ARK2C: variants seen among roughly 807,000 people sequenced by gnomAD.
ARK2C encodes the protein E3 ubiquitin-protein ligase ARK2C.
At chr18:46,341,621 A>G in the ARK2C span, among the ~76,000 whole-genome samples, 1 of 152,180 alleles carries the variant, frequency 6.6e-6, no homozygotes, top group African/African-American at 2.4e-5. Flanking sequence ...CTTTACATAC[A>G]GATTCCTGGT....
At chr18:46,396,687 C>A in the ARK2C span, among the ~76,000 whole-genome samples, 3 of 152,168 alleles carry the variant, frequency 2.0e-5, no homozygotes, top group African/African-American at 7.2e-5. Flanking sequence ...GCCTGGCTGT[C>A]GGGACCATGA....
At chr18:46,350,927 A>G in the ARK2C span, among the ~76,000 whole-genome samples, 1 of 152,322 alleles carries the variant, frequency 6.6e-6, no homozygotes, top group East Asian at 1.9e-4. Context: ...GCCGGGTTTA[A>G]TTTGTGAACA....
At chr18:46,360,240 G>A in the ARK2C span, among the ~76,000 whole-genome samples, 1 of 152,212 alleles carries the variant, frequency 6.6e-6, no homozygotes, top group Non-Finnish European at 1.5e-5. Context: ...CTCCACCAAG[G>A]GTGCTGATGG....
At chr18:46,431,321 G>C in the ARK2C span, among the ~76,000 whole-genome samples, 1 of 152,182 alleles carries the variant, frequency 6.6e-6, no homozygotes, top group Non-Finnish European at 1.5e-5. Context: ...ATGCCAAAGA[G>C]TAGGTCACTA....
the ARK2C span, among the ~76,000 whole-genome samples, chr18:46,417,676 T>C: frequency 6.6e-6 from 1 of 152,266 alleles, no homozygotes; most frequent in Admixed American, 6.5e-5. Context: ...CTTATATATC[T>C]ACTTATTGGA....
At chr18:46,436,423 A>G in the ARK2C span, among the ~76,000 whole-genome samples, 1 of 152,190 alleles carries the variant, frequency 6.6e-6, no homozygotes, top group Admixed American at 6.5e-5. Flanking sequence ...TGTTCTTGCA[A>G]CTTTTAGGTC....
At chr18:46,334,479 T>G in the ARK2C span, 7 of 623,238 alleles carry the variant, frequency 1.1e-5, no homozygotes, top group Non-Finnish European at 1.7e-5. This position sits in a 1 kb window ranked among gnomAD's most constrained non-coding sequence, Gnocchi z 4.4. Context: ...CACCCCATTT[T>G]AGGGGGACCC....
At chr18:46,428,818 T>C in the ARK2C span, among the ~76,000 whole-genome samples, 10 of 152,380 alleles carry the variant, frequency 6.6e-5, no homozygotes, top group South Asian at 2.1e-3. Flanking sequence ...TTTTTACTTT[T>C]AAAAGGTGAC....
the ARK2C span, among the ~76,000 whole-genome samples, chr18:46,450,089 T>C: frequency 6.6e-6 from 1 of 152,166 alleles, no homozygotes; most frequent in Non-Finnish European, 1.5e-5. Flanking sequence ...AGCTGTCACT[T>C]TATTAATTCT....
chr18:46,409,592 T>G, the ARK2C span, among the ~76,000 whole-genome samples: 1 of 152,034 alleles, frequency 6.6e-6, no homozygotes, highest in South Asian at 2.1e-4. Context: ...GAGTGGAAGT[T>G]GTGGTGCAGA....
At chr18:46,454,589 C>G in the ARK2C span, among the ~76,000 whole-genome samples, 1 of 152,162 alleles carries the variant, frequency 6.6e-6, no homozygotes, top group Admixed American at 6.5e-5. Flanking sequence ...ACAGTATTCC[C>G]CAGACTAAAC....
At chr18:46,336,559 A>T in the ARK2C span, 3 of 985,488 alleles carry the variant, frequency 3.0e-6, no homozygotes, top group Non-Finnish European at 3.6e-6. Flanking sequence ...TAACTCAACA[A>T]GGTCCTAAAC....
At chr18:46,454,669 C>T in the ARK2C span, among the ~76,000 whole-genome samples, 2 of 152,326 alleles carry the variant, frequency 1.3e-5, no homozygotes, top group Admixed American at 1.3e-4. Flanking sequence ...GGCCTTGCCC[C>T]ACGGTCATTC....
the ARK2C span, among the ~76,000 whole-genome samples, chr18:46,389,734 C>A: frequency 6.6e-6 from 1 of 151,754 alleles, no homozygotes; most frequent in African/African-American, 2.4e-5. Flanking sequence ...TCATTTCTTT[C>A]CTTTTTTTTT....
chr18:46,436,934 C>T, the ARK2C span, among the ~76,000 whole-genome samples: 3 of 152,314 alleles, frequency 2.0e-5, 1 homozygote, highest in South Asian at 6.2e-4. Context: ...ACACAAGGGC[C>T]TACAGGGAAG....
chr18:46,348,920 G>C, the ARK2C span, among the ~76,000 whole-genome samples: 8 of 151,646 alleles, frequency 5.3e-5, no homozygotes, highest in Non-Finnish European at 1.2e-4. Context: ...GTGTGTGTGT[G>C]TGTGTGTGTG....
At chr18:46,345,442 G>A in the ARK2C span, among the ~76,000 whole-genome samples, 1 of 152,190 alleles carries the variant, frequency 6.6e-6, no homozygotes, top group African/African-American at 2.4e-5. Context: ...AGAGGTGGTG[G>A]GAAGGAGGAG....
the ARK2C span, among the ~76,000 whole-genome samples, chr18:46,365,331 G>T: frequency 1.3e-5 from 2 of 152,138 alleles, no homozygotes; most frequent in Non-Finnish European, 2.9e-5. Context: ...GTCGAGTCCA[G>T]GAGGTCTTTT....
At chr18:46,433,292 C>T in the ARK2C span, 2 of 1,611,096 alleles carry the variant, frequency 1.2e-6, no homozygotes, top group East Asian at 2.2e-5. Context: ...TTCCCGCTGG[C>T]CCACCCCGTG....
Sources: gnomAD v4.1 joint callset for allele counts (sites outside exome capture counted in the v4.1 genomes callset) on GRCh38, gnomAD v4.1.1 for gene constraint, Gnocchi (gnomAD v3.1) non-coding constraint, MANE v1.5 for transcripts, NCBI Gene and HGNC (gene_info 2026-07-23, HGNC 2026-07-21) for gene names.